DIP2C: variants seen among roughly 807,000 people sequenced by gnomAD.
DIP2C encodes the protein DIP2 acetate--CoA ligase C (putative), also known as disco-interacting protein 2 homolog C.
Under a neutral mutation model 192.4 loss-of-function variants are expected in DIP2C, and 33 were observed. That is an observed-to-expected ratio of 0.17 (90% CI 0.13 to 0.23). The LOEUF (loss-of-function observed/expected upper bound fraction) is 0.23, where lower values mean the gene tolerates loss of function less well. Among genes scored for constraint, DIP2C ranks in the 10% least tolerant of loss-of-function variants. The pLI, the probability that DIP2C is intolerant of heterozygous loss-of-function variation, is 1.00. For missense variants in DIP2C, 1,537 were observed against 2,110.1 expected (o/e 0.73, Z 5.32); for synonymous variants, 979 against 864.1 (o/e 1.13, Z -2.33).
At chr10:408,636 A>G (rs1433003060) in intron 9 of DIP2C, among the ~76,000 whole-genome samples, 3 of 152,110 alleles carry the variant, frequency 2.0e-5, no homozygotes, top group African/African-American at 7.2e-5. Context: ...ACATAGGTAA[A>G]AAGGCTCTAC....
chr10:330,186 GAC>G (rs1957440659), intron 29 of DIP2C, among the ~76,000 whole-genome samples: 1 of 152,106 alleles, frequency 6.6e-6, no homozygotes, highest in Non-Finnish European at 1.5e-5. Context: ...GTGAAAAAAA[GAC>G]AATTATGGTA....
chr10:583,118 C>G (rs1564229788), intron 1 of DIP2C, among the ~76,000 whole-genome samples: 1 of 152,206 alleles, frequency 6.6e-6, no homozygotes, highest in African/African-American at 2.4e-5. Context: ...CCACAACACA[C>G]AGAGAAATGC....
At chr10:650,684 G>C in intron 1 of DIP2C, 1 of 619,658 alleles carries the variant, frequency 1.6e-6, no homozygotes, top group East Asian at 2.7e-5. Context: ...GGGCCTCCCA[G>C]CCTTAGAGCC....
intron 31 of DIP2C, among the ~76,000 whole-genome samples, chr10:323,606 A>C (rs1280572795): frequency 1.3e-5 from 2 of 152,138 alleles, no homozygotes; most frequent in Admixed American, 6.5e-5. Context: ...CAGTGTCTTA[A>C]TTTTTTGTGT....
chr10:441,380 G>C (rs1162395068), intron 3 of DIP2C, among the ~76,000 whole-genome samples: 1 of 151,992 alleles, frequency 6.6e-6, no homozygotes, highest in Non-Finnish European at 1.5e-5. Context: ...TCACAGCCAC[G>C]GTCACAGCTC....
intron 1 of DIP2C, chr10:667,877 TAC>T (rs1189352373): frequency 6.6e-6 from 1 of 150,490 alleles, no homozygotes; most frequent in South Asian, 2.1e-4. Context: ...ACTCACAACA[TAC>T]ACATACAACA....
intron 1 of DIP2C, among the ~76,000 whole-genome samples, chr10:492,733 CCTTTTTGGTTTTAA>C (rs1405430560): frequency 6.6e-6 from 1 of 152,090 alleles, no homozygotes; most frequent in Non-Finnish European, 1.5e-5. Context: ...TAGAGTTTTA[CCTTTTTGGTTTTAA>C]ATTTGTATTG....
chr10:542,216 TC>T (rs1280571241), intron 1 of DIP2C, among the ~76,000 whole-genome samples: 1 of 152,208 alleles, frequency 6.6e-6, no homozygotes, highest in Non-Finnish European at 1.5e-5. Flanking sequence ...CCTGCCTGCC[TC>T]TGCGAGTTAC....
intron 32 of DIP2C, among the ~76,000 whole-genome samples, chr10:290,511 A>G (rs964988848): frequency 1.3e-5 from 2 of 152,210 alleles, no homozygotes; most frequent in Non-Finnish European, 2.9e-5. Flanking sequence ...TCGGCAGGAC[A>G]TGGCCATGCC....
chr10:344,609 G>A (rs1958335883), intron 28 of DIP2C, among the ~76,000 whole-genome samples, 200 bp downstream of exon 28: 1 of 152,214 alleles, frequency 6.6e-6, no homozygotes, highest in Non-Finnish European at 1.5e-5. Flanking sequence ...CATACTTGGG[G>A]CATTTGGACA....
At chr10:572,625 G>A (rs1421810792) in intron 1 of DIP2C, among the ~76,000 whole-genome samples, 3 of 152,132 alleles carry the variant, frequency 2.0e-5, no homozygotes, top group Non-Finnish European at 2.9e-5. Flanking sequence ...GCACTCACAC[G>A]GTCAACATTC....
At chr10:603,300 A>C (rs1340494441) in intron 1 of DIP2C, among the ~76,000 whole-genome samples, 1 of 29,956 alleles carries the variant, frequency 3.3e-5, no homozygotes, top group Non-Finnish European at 9.4e-5. Flanking sequence ...CTCCATCTCA[A>C]AAAAAAAAAA....
intron 4 of DIP2C, among the ~76,000 whole-genome samples, chr10:425,711 C>T (rs1424372858): frequency 2.6e-5 from 4 of 152,068 alleles, no homozygotes; most frequent in South Asian, 4.1e-4. Flanking sequence ...AATACCAGAG[C>T]GACAGGAATT....
At chr10:417,659 T>C (rs559422236) in intron 6 of DIP2C, among the ~76,000 whole-genome samples, 2,939 of 8,828 alleles carry the variant, frequency 0.33, 172 homozygotes, top group Non-Finnish European at 0.37. Flanking sequence ...TGTCCACCTG[T>C]TCCTGTCAGG....
At chr10:472,678 C>A in intron 2 of DIP2C, 129 bp from the exon 3 acceptor site, 1 of 779,760 alleles carries the variant, frequency 1.3e-6, no homozygotes, top group Non-Finnish European at 2.1e-6. Context: ...ATGGCGGCGC[C>A]TCAGAGCCCA....
intron 1 of DIP2C, among the ~76,000 whole-genome samples, chr10:565,765 C>T (rs1385953380): frequency 2.0e-5 from 3 of 152,184 alleles, no homozygotes; most frequent in Non-Finnish European, 2.9e-5. Flanking sequence ...GTAACGGAGT[C>T]GAGCGCAGCA....
chr10:587,600 A>T (rs578050069), intron 1 of DIP2C, among the ~76,000 whole-genome samples: 4 of 152,140 alleles, frequency 2.6e-5, no homozygotes, highest in African/African-American at 9.6e-5. Context: ...CCACATCCAC[A>T]CCAGGCACTG....
At chr10:502,843 C>T (rs934698171) in intron 1 of DIP2C, among the ~76,000 whole-genome samples, 1 of 152,104 alleles carries the variant, frequency 6.6e-6, no homozygotes, top group East Asian at 1.9e-4. Flanking sequence ...AACTGAGCCA[C>T]GAGTCCAAGG....
intron 1 of DIP2C, among the ~76,000 whole-genome samples, chr10:585,207 T>C (rs1173085817): frequency 6.6e-6 from 1 of 152,192 alleles, no homozygotes; most frequent in East Asian, 1.9e-4. Flanking sequence ...GTGTAGACAC[T>C]TTCCCACTGA....
Sources: allele counts gnomAD v4.1 joint callset (sites outside exome capture counted in the v4.1 genomes callset), GRCh38; gene constraint gnomAD v4.1.1; transcripts MANE v1.5; gene names NCBI Gene and HGNC (gene_info 2026-07-23, HGNC 2026-07-21).